The following MYO18B variants were observed in gnomAD, a reference collection of about 807,000 sequenced individuals.
MYO18B encodes unconventional myosin-XVIIIb.
Under a neutral mutation model 273.0 loss-of-function variants are expected in MYO18B, and 204 were observed. That is an observed-to-expected ratio of 0.75 (90% CI 0.67 to 0.84). The LOEUF is 0.84. Ranked by LOEUF, MYO18B falls within the 40% of genes least tolerant of loss-of-function variation. The probability of loss-of-function intolerance (pLI) is 0.00; values close to 1 mark genes in which losing one functional copy is unlikely to be tolerated. For missense variants in MYO18B, 3,212 were observed against 3,287.6 expected (o/e 0.98, Z 0.56); for synonymous variants, 1,330 against 1,305.7 (o/e 1.02, Z -0.40).
chr22:25,991,215 C>A (rs16981153), intron 39 of MYO18B, among the ~76,000 whole-genome samples: 1 of 152,160 alleles, frequency 6.6e-6, no homozygotes, highest in Non-Finnish European at 1.5e-5. Context: ...CAAACATCCT[C>A]GGGCATAGAG....
chr22:26,017,924 G>A (rs1935492824), intron 42 of MYO18B, among the ~76,000 whole-genome samples: 1 of 145,694 alleles, frequency 6.9e-6, no homozygotes, highest in Non-Finnish European at 1.5e-5. Flanking sequence ...TTTTAAATGA[G>A]AACGATCCCC....
chr22:25,836,970 T>TAAA, intron 17 of MYO18B, among the ~76,000 whole-genome samples: 1 of 15,514 alleles, frequency 6.4e-5, no homozygotes, highest in East Asian at 0.12. Flanking sequence ...CTCAAAATAA[T>TAAA]AATAATAATA....
At chr22:26,044,921 T>C in the MYO18B span, among the ~76,000 whole-genome samples, 2 of 152,194 alleles carry the variant, frequency 1.3e-5, no homozygotes, top group Non-Finnish European at 2.9e-5. Flanking sequence ...AGATGGTTTG[T>C]CCAATGGCAA....
In MYO18B at chr22:26,027,104, C is replaced by T. The variant is rs576505734; in HGVS notation, c.7130C>T (p.Ser2377Leu). 21 of 1,613,982 alleles carry T rather than the reference C, an allele frequency of 1.3e-5. No individual in the cohort carries two copies. The highest frequency in any genetic ancestry group is 1.2e-4 in the South Asian group (11 of 91,078). The change falls in exon 43 of 44, where the codon TCG (serine) becomes TTG (leucine). Residue 2377 changes from serine (S) to leucine (L), a missense_variant. Transcript: ENST00000335473. The surrounding 1 kb of genome is among the most constrained non-coding windows in gnomAD (Gnocchi z 4.1). Reference sequence around the variant, plus strand: ...ACCACACCCAGGGACATGCTGTTGTCGCCCACACTGCGTCCTCGGAGGCGG... The same window carrying T: ...ACCACACCCAGGGACATGCTGTTGTTGCCCACACTGCGTCCTCGGAGGCGG... ...SPTTPRDMLL[S>L]PTLRPRRRCL...
chr22:25,921,767 C>CGT (rs1488038422), intron 34 of MYO18B, among the ~76,000 whole-genome samples: 1 of 129,496 alleles, frequency 7.7e-6, no homozygotes, highest in African/African-American at 3.1e-5. Context: ...TGCGTGTATG[C>CGT]GTGTGTGTGT....
chr22:25,851,527 C>T lies in MYO18B; in HGVS notation c.3833C>T (p.Ala1278Val). ...CGCCGGCAATTCCAGGTGCTGGACG[C>T]TCCACTCCTGAAGAAGCTCATGTCG... ...RFRRQFQVLD[A>V]PLLKKLMSTS... Residue 1278 changes from alanine to valine, a missense_variant, in exon 21 of 44, where the codon GCT becomes GTT. Physicochemically the swap from Ala to Val is moderately conservative, Grantham distance 64. Coordinates refer to ENST00000335473, the MANE Select transcript of MYO18B (RefSeq NM_032608.7). 1 of 1,561,666 alleles carries T rather than the reference C, an allele frequency of 6.4e-7. No individual in the cohort carries two copies. The highest frequency in any genetic ancestry group is 1.4e-5 in the African/African-American group (1 of 73,628).
intron 1 of MYO18B, among the ~76,000 whole-genome samples, chr22:25,750,876 G>A (rs1472275542): frequency 6.6e-6 from 1 of 152,218 alleles, no homozygotes; most frequent in African/African-American, 2.4e-5. Context: ...AGCCAGGAAG[G>A]GGAAGGAAAC....
At chr22:25,775,308 A>C (rs2086874834) in intron 7 of MYO18B, among the ~76,000 whole-genome samples, 1 of 152,208 alleles carries the variant, frequency 6.6e-6, no homozygotes, top group Admixed American at 6.5e-5. Context: ...TGGAGCAGGA[A>C]GAGCCAACAG....
At chr22:26,031,152 G>A (rs1380337633), downstream of MYO18B, 1 of 387,264 alleles carries the variant, frequency 2.6e-6, no homozygotes, top group Non-Finnish European at 4.6e-6. Context: ...TAGCATATGT[G>A]TGCCCACATT....
chr22:25,914,290 A>AT (rs1425561326), intron 33 of MYO18B, among the ~76,000 whole-genome samples: 4 of 152,134 alleles, frequency 2.6e-5, no homozygotes, highest in Non-Finnish European at 5.9e-5. Flanking sequence ...ACCTGATGTA[A>AT]TTTTTATTGG....
At chr22:25,814,899 G>T (rs2088933861) in intron 12 of MYO18B, among the ~76,000 whole-genome samples, 1 of 152,204 alleles carries the variant, frequency 6.6e-6, no homozygotes, top group Non-Finnish European at 1.5e-5. Flanking sequence ...GCTCAGAGAA[G>T]TAAAGTAAGT....
chr22:25,825,309 G>C (rs2089452444), intron 13 of MYO18B, among the ~76,000 whole-genome samples: 1 of 152,174 alleles, frequency 6.6e-6, no homozygotes, highest in Admixed American at 6.5e-5. Context: ...TTCAGAGGAG[G>C]GGTGGGAAAT....
rs1019029425 is a variant in MYO18B, at chr22:25,821,796, AAAAC to A, written c.2522-1701_2522-1698del. Among the ~76,000 whole-genome samples the A allele has an allele frequency of 2.0e-4, 30 of 152,292 alleles. No individual in the cohort carries two copies. In the East Asian group the frequency reaches 5.2e-3, roughly 26 times the overall value. ...TCTCAAAAACAAAACAGAACAAAAC[AAAAC>A]AAACAAAAAAAAGAAGTCATTTATT... is the stretch of plus-strand genomic sequence containing the variant. On this transcript the variant is annotated intron_variant, in intron 12 of 43. Transcript: ENST00000335473.
At chr22:26,005,595 C>A (rs1353380782) in intron 42 of MYO18B, among the ~76,000 whole-genome samples, 2 of 152,064 alleles carry the variant, frequency 1.3e-5, no homozygotes, top group Admixed American at 1.3e-4. Context: ...TCAAGGGTGG[C>A]CCTCTTGTAA....
chr22:25,835,625 C>A (rs2089870753), intron 17 of MYO18B, among the ~76,000 whole-genome samples, 182 bp downstream of exon 17: 1 of 152,234 alleles, frequency 6.6e-6, no homozygotes, highest in South Asian at 2.1e-4. Context: ...CATTGAGCAG[C>A]CACTATGTGC....
chr22:25,835,246 G>C (rs749188810), intron 16 of MYO18B, 50 bp from the exon 17 acceptor site: 1 of 1,579,812 alleles, frequency 6.3e-7, no homozygotes, highest in Non-Finnish European at 8.6e-7. Flanking sequence ...CCCAAGACAG[G>C]CTTCTGATGG....
At chr22:25,997,977 A>G (rs5997018) in intron 40 of MYO18B, among the ~76,000 whole-genome samples, 36 of 115,548 alleles carry the variant, frequency 3.1e-4, no homozygotes, top group South Asian at 1.2e-3. Context: ...ACACACACAC[A>G]CGAGAGAGAG....
At chr22:25,934,329 A>C (rs1233091542) in intron 34 of MYO18B, among the ~76,000 whole-genome samples, 2 of 152,026 alleles carry the variant, frequency 1.3e-5, no homozygotes, top group Non-Finnish European at 2.9e-5. Flanking sequence ...GTCAGTGTTA[A>C]ACATCTTAGA....
rs540659861 is a variant in MYO18B, at chr22:25,927,676, C to T, written c.5517+6267C>T. ...CACACCTATTCGCGTACTCCCTCCCCTTTTGAAACTCCCTAATAAAAACTT... is the reference window on the plus strand; with the variant it reads ...CACACCTATTCGCGTACTCCCTCCCTTTTTGAAACTCCCTAATAAAAACTT... On this transcript the variant is annotated intron_variant, in intron 34 of 43. Coordinates refer to ENST00000335473, the MANE Select transcript of MYO18B (RefSeq NM_032608.7). 3.9e-5 allele frequency among the ~76,000 whole-genome samples: 6 copies of T among 152,178 alleles called. 1 individual carries two copies. The South Asian group carries it at 8.3e-4, about 21-fold the overall frequency.
Sources: gnomAD v4.1 joint callset for allele counts (sites outside exome capture counted in the v4.1 genomes callset) on GRCh38, gnomAD v4.1.1 for gene constraint, Gnocchi (gnomAD v3.1) non-coding constraint, MANE v1.5 for transcripts, NCBI Gene and HGNC (gene_info 2026-07-23, HGNC 2026-07-21) for gene names.